TMEM165: variants seen among roughly 807,000 people sequenced by gnomAD.
The protein encoded by TMEM165 is transmembrane protein 165.
Under a neutral mutation model 30.0 loss-of-function variants are expected in TMEM165, and 19 were observed. The observed-to-expected ratio is 0.63, with a 90% CI of 0.44 to 0.93. The LOEUF (loss-of-function observed/expected upper bound fraction) is 0.93. Ranked by LOEUF, TMEM165 falls within the 40% of genes least tolerant of loss-of-function variation. The pLI, the probability that TMEM165 is intolerant of heterozygous loss-of-function variation, is 0.00. For missense variants in TMEM165, 340 were observed against 417.0 expected (o/e 0.82, Z 1.61); for synonymous variants, 168 against 162.9 (o/e 1.03, Z -0.24).
chr4:55,435,617 A>T, intron 3 of TMEM165: 1 of 1,612,756 alleles, frequency 6.2e-7, no homozygotes, highest in Middle Eastern at 1.7e-4. Flanking sequence ...TGGATTATGC[A>T]GCATTGCTTT....
In TMEM165 at chr4:55,422,606, T is replaced by TA. The variant is rs1205184342; in HGVS notation, c.793-1931dup. On this transcript the variant is annotated intron_variant, in intron 4 of 5. Transcript: ENST00000381334. ...AAAATCACATTGGTCTTACCATACA[T>TA]AGTTCATCAATTGTGGGAGAGAAAC... Among the ~76,000 whole-genome samples, 3 of 152,186 alleles carry TA rather than the reference T, an allele frequency of 2.0e-5. No individual in the cohort carries two copies. The East Asian group carries it at 5.8e-4, about 29-fold the overall frequency.
chr4:55,424,696 A>C, intron 5 of TMEM165, 53 bp downstream of exon 5: 1 of 1,179,498 alleles, frequency 8.5e-7, no homozygotes, highest in Non-Finnish European at 1.3e-6. Flanking sequence ...CTGAGAGATT[A>C]AAGGGTGTTA....
intron 1 of TMEM165, among the ~76,000 whole-genome samples, chr4:55,404,512 A>G (rs1471176518): frequency 6.6e-6 from 1 of 151,704 alleles, no homozygotes; most frequent in East Asian, 1.9e-4. Flanking sequence ...TGCAGCCTGG[A>G]ACTAGTGGGC....
At chr4:55,427,962 C>A (rs1722303131), downstream of TMEM165, 1 of 152,154 alleles carries the variant, frequency 6.6e-6, no homozygotes, top group African/African-American at 2.4e-5. Flanking sequence ...GTGATTCTTA[C>A]AAGTTATGTG....
chr4:55,398,666 G>A (rs562049553), intron 1 of TMEM165, among the ~76,000 whole-genome samples: 2 of 152,232 alleles, frequency 1.3e-5, no homozygotes, highest in African/African-American at 4.8e-5. Flanking sequence ...TGCAAGTTGT[G>A]TGCGTGTTTT....
chr4:55,421,301 T>C (rs1303963569), intron 4 of TMEM165, among the ~76,000 whole-genome samples: 21 of 139,406 alleles, frequency 1.5e-4, no homozygotes, highest in South Asian at 4.6e-4. Context: ...TTCTTTCTTT[T>C]TTTTTTTTTT....
chr4:55,397,885 T>G (rs1234123586), intron 1 of TMEM165, among the ~76,000 whole-genome samples: 1 of 150,148 alleles, frequency 6.7e-6, no homozygotes, highest in Non-Finnish European at 1.5e-5. Flanking sequence ...ATGCGTGTGC[T>G]GACACGCCCG....
intron 2 of TMEM165, among the ~76,000 whole-genome samples, chr4:55,413,711 A>T (rs529081402): frequency 1.3e-5 from 2 of 152,334 alleles, no homozygotes; most frequent in Non-Finnish European, 2.9e-5. Flanking sequence ...CACTTATATA[A>T]CTTTTGCCTA....
chr4:55,417,862 A>G lies in TMEM165; in HGVS notation c.669A>G (p.Thr223=). The G allele has an allele frequency of 6.2e-7, 1 of 1,614,148 alleles. No individual in the cohort carries two copies. The highest frequency in any genetic ancestry group is 8.5e-7 in the Non-Finnish European group (1 of 1,180,006). The stretch of plus-strand genomic sequence containing the variant: ...ATGTTGAAACGGGTACAAGCATAAC[A>G]GTACCTCAGAAAAAGTGGTTGCATT... ...PGDVETGTSI[T]VPQKKWLHFI... is the part of the protein sequence containing the mutation. Residue 223 remains threonine, a synonymous_variant, in exon 4 of 6, where the codon ACA becomes ACG. Coordinates refer to ENST00000381334, the MANE Select transcript of TMEM165 (RefSeq NM_018475.5).
chr4:55,434,203 C>T (rs1253808976), intron 3 of TMEM165: 1 of 152,564 alleles, frequency 6.6e-6, no homozygotes, highest in East Asian at 1.9e-4. Flanking sequence ...GAATTAAAAT[C>T]AAGGCACTAT....
chr4:55,416,936 G>T, intron 2 of TMEM165, 136 bp from the exon 3 acceptor site: 1 of 671,080 alleles, frequency 1.5e-6, no homozygotes, highest in Non-Finnish European at 2.4e-6. Context: ...AATACTTGAG[G>T]TTATTACATA....
At chr4:55,430,862 T>TA (rs1399697915), downstream of TMEM165, 1 of 152,174 alleles carries the variant, frequency 6.6e-6, no homozygotes, top group African/African-American at 2.4e-5. Flanking sequence ...AGGTTTACAA[T>TA]AGTGTTTAAA....
At chr4:55,449,374 G>A (rs1724224943) in intron 3 of TMEM165, 1 of 1,573,454 alleles carries the variant, frequency 6.4e-7, no homozygotes, top group Non-Finnish European at 8.7e-7. Context: ...TTATTCAGAA[G>A]AATATCCACT....
chr4:55,448,600 G>GCGCGCA (rs1553891232), intron 3 of TMEM165, among the ~76,000 whole-genome samples: 1 of 52,084 alleles, frequency 1.9e-5, no homozygotes, highest in African/African-American at 8.9e-5. Context: ...GCGCACGCGC[G>GCGCGCA]CGTGTGTGTG....
intron 2 of TMEM165, among the ~76,000 whole-genome samples, chr4:55,416,695 T>G (rs901916815): frequency 1.3e-5 from 2 of 152,174 alleles, no homozygotes; most frequent in African/African-American, 4.8e-5. Context: ...AGTTATAAAA[T>G]CTCAGCTCTT....
intron 3 of TMEM165, among the ~76,000 whole-genome samples, chr4:55,436,644 C>T (rs1428218049): frequency 6.6e-6 from 1 of 152,146 alleles, no homozygotes; most frequent in Non-Finnish European, 1.5e-5. Context: ...CCTGACAAAC[C>T]TTAAAGACTA....
chr4:55,396,302 A>G lies in TMEM165; in HGVS notation c.113A>G (p.Asp38Gly). 1 of 1,528,520 alleles carries G rather than the reference A, an allele frequency of 6.5e-7. No individual in the cohort carries two copies. The highest frequency in any genetic ancestry group is 1.2e-5 in the South Asian group (1 of 82,368). The allele number at this position is 1,528,520 out of a possible 1,614,324, so 94.7% of individuals were successfully genotyped here. A position where few individuals can be genotyped will look rare whatever the true frequency, so the allele number is the denominator to read the frequency against. The change falls in exon 1 of 6, where the codon GAC becomes GGC. Residue 38 changes from aspartate (D) to glycine (G), a missense_variant. Asp to Gly is a moderately conservative substitution (Grantham distance 94). Transcript: ENST00000381334. ...GCGGTCCGGGCCGGCCCAGATGAAG[A>G]CCTTAGCCACCGGAACAAAGAACCG... ...PAAVRAGPDE[D>G]LSHRNKEPPA...
At chr4:55,414,499 C>T (rs904599417) in intron 2 of TMEM165, among the ~76,000 whole-genome samples, 2 of 151,864 alleles carry the variant, frequency 1.3e-5, no homozygotes. Context: ...AGGTTTGTTA[C>T]ACAGGTATAC....
At chr4:55,418,447 C>T (rs1003776701) in intron 4 of TMEM165, among the ~76,000 whole-genome samples, 1 of 151,330 alleles carries the variant, frequency 6.6e-6, no homozygotes, top group Non-Finnish European at 1.5e-5. Flanking sequence ...TTGCTTGAGC[C>T]TGGGAGGTTG....
Sources: allele counts gnomAD v4.1 joint callset (sites outside exome capture counted in the v4.1 genomes callset), GRCh38; gene constraint gnomAD v4.1.1; transcripts MANE v1.5; gene names NCBI Gene and HGNC (gene_info 2026-07-23, HGNC 2026-07-21).